Variants in SPAG9 observed in about 807,000 individuals in gnomAD.
SPAG9 encodes the protein C-Jun-amino-terminal kinase-interacting protein 4.
A neutral mutation model predicts 166.5 loss-of-function variants in SPAG9; 35 were observed. The ratio of observed to expected loss-of-function variants is 0.21; its 90% confidence interval spans 0.16 to 0.28. The LOEUF is 0.28. Ranked by LOEUF, SPAG9 falls within the 10% of genes least tolerant of loss-of-function variation. The pLI, the probability that SPAG9 is intolerant of heterozygous loss-of-function variation, is 1.00. For synonymous variants in SPAG9, 534 were observed against 565.5 expected, an observed-to-expected ratio of 0.94 and a Z score of 0.79; for missense variants, 1,235 against 1,603.3, an observed-to-expected ratio of 0.77 and a Z score of 3.92.
Position 51,006,048 on chromosome 17 carries a change from A to C in SPAG9, c.1424+37T>G, listed in dbSNP as rs768859237. On this transcript the variant is annotated intron_variant, in intron 11 of 29. Coordinates refer to ENST00000262013, the MANE Select transcript of SPAG9 (RefSeq NM_001130528.3). ...TGTAACCCTTTGTGGCATAACTGGCAAAGAGTTTGGTTTAGAACAACACAG... is the reference window on the plus strand; with the variant it reads ...TGTAACCCTTTGTGGCATAACTGGCCAAGAGTTTGGTTTAGAACAACACAG... 21 of 1,608,510 alleles carry C rather than the reference A, an allele frequency of 1.3e-5. 1 individual carries two copies. The Admixed American group carries it at 3.5e-4, about 27-fold the overall frequency.
chr17:51,054,366 G>A lies in SPAG9; in HGVS notation c.495+2046C>T, dbSNP rs142978055. Among the ~76,000 whole-genome samples the A allele has an allele frequency of 3.3e-3, 495 of 151,218 alleles. 1 individual carries two copies. Among genetic ancestry groups the A allele is most frequent in the African/African-American group, 0.011 (471 of 41,240 alleles). On this transcript the variant is annotated intron_variant, in intron 3 of 29. Coordinates refer to ENST00000262013, the MANE Select transcript of SPAG9 (RefSeq NM_001130528.3). ...TCAAACTCCTGGGCTTAAGTGATCCGCTCACCTTGGCCTCCCAAAGTGCTA... is the reference window on the plus strand; with the variant it reads ...TCAAACTCCTGGGCTTAAGTGATCCACTCACCTTGGCCTCCCAAAGTGCTA...
intron 1 of SPAG9, among the ~76,000 whole-genome samples, chr17:51,079,906 A>G (rs1241837873): frequency 6.6e-6 from 1 of 152,208 alleles, no homozygotes; most frequent in Admixed American, 6.5e-5. Context: ...TAACAAAATA[A>G]TTGTTTCCAC....
At chr17:51,050,014 T>C (rs950141944) in intron 3 of SPAG9, among the ~76,000 whole-genome samples, 15 of 152,210 alleles carry the variant, frequency 9.9e-5, no homozygotes, top group Admixed American at 2.6e-4. Flanking sequence ...TCACCCCAGA[T>C]TGCTGTATAG....
intron 1 of SPAG9, among the ~76,000 whole-genome samples, chr17:51,107,190 T>TA (rs750322776): frequency 1.3e-4 from 20 of 151,916 alleles, no homozygotes; most frequent in Admixed American, 2.6e-4. Flanking sequence ...TCTTTCCACC[T>TA]ACTTGGGGGA....
intron 8 of SPAG9, among the ~76,000 whole-genome samples, chr17:51,018,945 T>C (rs1233993017): frequency 6.6e-6 from 1 of 152,196 alleles, no homozygotes; most frequent in East Asian, 1.9e-4. Flanking sequence ...CTGCTATAGT[T>C]TGAATGTGTC....
intron 9 of SPAG9, among the ~76,000 whole-genome samples, chr17:51,011,200 C>T (rs2045469051): frequency 6.6e-6 from 1 of 151,942 alleles, no homozygotes; most frequent in Non-Finnish European, 1.5e-5. Flanking sequence ...ATGGTGCATG[C>T]CTGTAGTCCC....
chr17:50,970,209 C>T (rs1002347495), intron 29 of SPAG9, among the ~76,000 whole-genome samples: 1 of 152,102 alleles, frequency 6.6e-6, no homozygotes, highest in Non-Finnish European at 1.5e-5. Flanking sequence ...CAAACAAATA[C>T]ATTTTGGTAT....
At chr17:51,077,279 A>G (rs552129764) in intron 2 of SPAG9, among the ~76,000 whole-genome samples, 10 of 151,948 alleles carry the variant, frequency 6.6e-5, no homozygotes, top group East Asian at 5.8e-4. Context: ...AAGTGCCACC[A>G]TGTCCGGCTA....
Position 50,999,665 on chromosome 17 carries a change from G to A in SPAG9, c.1660C>T (p.Gln554Ter). The A allele has an allele frequency of 6.2e-7, 1 of 1,611,620 alleles. No homozygotes were observed. The highest frequency in any genetic ancestry group is 8.5e-7 in the Non-Finnish European group (1 of 1,178,286). ...MQEKKRSSIW[Q>*]FFSRLFSSSS... Reference sequence around the variant, plus strand: ...TCTTTGTTTTTCAATACTTACAACTGCCAAATGCTTGACCTTTTTTTTTCC... The same window carrying A: ...TCTTTGTTTTTCAATACTTACAACTACCAAATGCTTGACCTTTTTTTTTCC... The change falls in exon 14 of 30, where the codon CAG becomes TAG. Residue 554 changes from glutamine (Q) to a stop codon, truncating the protein, a stop_gained. Transcript: ENST00000262013. LOFTEE classifies it high-confidence loss of function.
intron 2 of SPAG9, among the ~76,000 whole-genome samples, chr17:51,058,141 A>G (rs750649227): frequency 2.6e-5 from 4 of 152,222 alleles, no homozygotes; most frequent in Non-Finnish European, 5.9e-5. Context: ...AGGCTGAAAT[A>G]AAATCCAACT....
In SPAG9 at chr17:50,983,577, C is replaced by T. The variant is rs536127296; in HGVS notation, c.3089-905G>A. On this transcript the variant is annotated intron_variant, in intron 24 of 29. Coordinates refer to ENST00000262013, the MANE Select transcript of SPAG9 (RefSeq NM_001130528.3). ...TAATTCTCACTCTTCAGACATGTCT[C>T]CCCATCGTGCTCTTCTGAACTCAAA... 4.6e-5 allele frequency among the ~76,000 whole-genome samples: 7 copies of T among 152,310 alleles called. No individual in the cohort carries two copies. The South Asian group carries it at 1.5e-3, about 32-fold the overall frequency.
intron 1 of SPAG9, among the ~76,000 whole-genome samples, chr17:51,088,343 T>C (rs968398246): frequency 1.3e-5 from 2 of 152,142 alleles, no homozygotes; most frequent in Non-Finnish European, 2.9e-5. Context: ...TTAGATAAAA[T>C]AACATGTTAA....
At chr17:51,006,797 A>G (rs760940708) in intron 10 of SPAG9, among the ~76,000 whole-genome samples, 6 of 152,186 alleles carry the variant, frequency 3.9e-5, no homozygotes, top group Non-Finnish European at 5.9e-5. Flanking sequence ...TGTCCCATTA[A>G]ATGTGTCTGA....
At chr17:51,109,349 G>C (rs908537705) in intron 1 of SPAG9, among the ~76,000 whole-genome samples, 2 of 151,842 alleles carry the variant, frequency 1.3e-5, no homozygotes, top group Non-Finnish European at 1.5e-5. Flanking sequence ...TGATTCTCTT[G>C]CTTCAGCCTC....
intron 2 of SPAG9, among the ~76,000 whole-genome samples, chr17:51,064,641 C>T (rs11657314): frequency 0.24 from 36,258 of 151,954 alleles, 5,156 homozygotes; most frequent in Admixed American, 0.34. Context: ...CCAGAACAGG[C>T]AAATCTATAG....
chr17:50,981,198 T>A (rs901213376), intron 25 of SPAG9, among the ~76,000 whole-genome samples: 1 of 152,122 alleles, frequency 6.6e-6, no homozygotes, highest in Admixed American at 6.6e-5. Flanking sequence ...ACTGCACTAA[T>A]GGTATATCAT....
At chr17:51,106,853 T>C (rs967931889) in intron 1 of SPAG9, among the ~76,000 whole-genome samples, 6 of 150,694 alleles carry the variant, frequency 4.0e-5, no homozygotes, top group Admixed American at 6.6e-5. Context: ...CCTGTAATCC[T>C]AGCACTTTGG....
intron 2 of SPAG9, among the ~76,000 whole-genome samples, chr17:51,062,351 AAT>A (rs1421550814): frequency 6.6e-6 from 1 of 152,192 alleles, no homozygotes; most frequent in Non-Finnish European, 1.5e-5. Context: ...TTTTGACAAA[AAT>A]ATGACATGTG....
At chr17:51,114,810 G>A (rs2049235533) in intron 1 of SPAG9, among the ~76,000 whole-genome samples, 2 of 151,860 alleles carry the variant, frequency 1.3e-5, no homozygotes, top group Non-Finnish European at 2.9e-5. Context: ...AAATTAGCCG[G>A]GTGTAGTGGT....
Sources: allele counts gnomAD v4.1 joint callset (sites outside exome capture counted in the v4.1 genomes callset), GRCh38; gene constraint gnomAD v4.1.1; transcripts MANE v1.5; gene names NCBI Gene and HGNC (gene_info 2026-07-23, HGNC 2026-07-21).